The following ZBBX variants were observed in gnomAD, a reference collection of about 807,000 sequenced individuals.
ZBBX encodes the protein zinc finger B-box domain-containing protein 1.
A neutral mutation model predicts 108.5 loss-of-function variants in ZBBX; 101 were observed. The observed-to-expected ratio is 0.93, with a 90% CI of 0.79 to 1.10. ZBBX has a LOEUF of 1.10. Ranked by LOEUF, ZBBX falls within the 50% of genes least tolerant of loss-of-function variation. The pLI, the probability that ZBBX is intolerant of heterozygous loss-of-function variation, is 0.00. For missense variants in ZBBX, 1,009 were observed against 941.4 expected (o/e 1.07, Z -0.94); for synonymous variants, 356 against 323.4 (o/e 1.10, Z -1.08).
intron 10 of ZBBX, 50 bp downstream of exon 10, chr3:167,333,777 G>T: frequency 6.9e-7 from 1 of 1,448,082 alleles, no homozygotes; most frequent in Non-Finnish European, 9.2e-7. Flanking sequence ...AATGGCACCT[G>T]CCATAGTTAC....
intron 20 of ZBBX, among the ~76,000 whole-genome samples, chr3:167,279,823 CAT>C (rs1476311828): frequency 6.6e-6 from 1 of 152,172 alleles, no homozygotes; most frequent in Admixed American, 6.5e-5. Context: ...AAGCTGGAGG[CAT>C]CATACTACCT....
At chr3:167,214,006 G>T in the ZBBX span, among the ~76,000 whole-genome samples, 3 of 152,092 alleles carry the variant, frequency 2.0e-5, no homozygotes, top group Non-Finnish European at 4.4e-5. Context: ...ATTACCAGAA[G>T]ACCTGTTTCC....
the ZBBX span, among the ~76,000 whole-genome samples, chr3:167,225,465 C>G: frequency 4.0e-5 from 6 of 151,676 alleles, no homozygotes; most frequent in African/African-American, 1.5e-4. Context: ...CAGCTCATAC[C>G]CAGACCCTAA....
At chr3:167,233,864 A>C in the ZBBX span, among the ~76,000 whole-genome samples, 1 of 151,788 alleles carries the variant, frequency 6.6e-6, no homozygotes, top group Non-Finnish European at 1.5e-5. Context: ...TGACAACATA[A>C]ATTCCAGGAT....
rs552096775 is a variant in ZBBX, at chr3:167,290,141, A to G, written c.1880-1158T>C. 4.1e-4 allele frequency among the ~76,000 whole-genome samples: 63 copies of G among 152,300 alleles called. No homozygotes were observed. The Middle Eastern group carries it at 0.01, about 25-fold the overall frequency. On this transcript the variant is annotated intron_variant, in intron 18 of 21. Coordinates refer to ENST00000675490, the MANE Select transcript of ZBBX (RefSeq NM_001199201.2). Reference sequence around the variant, plus strand: ...TAGGGGAAGGGGCGGTTGTAGGTGCAGCTTCAGCAGACTTAAACATCCCTG... The same window carrying G: ...TAGGGGAAGGGGCGGTTGTAGGTGCGGCTTCAGCAGACTTAAACATCCCTG...
At chr3:167,238,911 G>T (rs1300945947), downstream of ZBBX, among the ~76,000 whole-genome samples, 5 of 152,016 alleles carry the variant, frequency 3.3e-5, no homozygotes, top group East Asian at 9.7e-4. Context: ...CTTCAAACTG[G>T]CTGTATTGGG....
At chr3:167,380,656 C>G (rs528841614), upstream of ZBBX, among the ~76,000 whole-genome samples, 11 of 152,224 alleles carry the variant, frequency 7.2e-5, no homozygotes, top group East Asian at 1.2e-3. Context: ...ACAAAGCTAG[C>G]AAATGGCAGA....
At chr3:167,309,879 T>C (rs922635694) in intron 16 of ZBBX, among the ~76,000 whole-genome samples, 1 of 152,238 alleles carries the variant, frequency 6.6e-6, no homozygotes, top group Non-Finnish European at 1.5e-5. Context: ...AATGGGTGTT[T>C]CTTTTCTACC....
chr3:167,382,195 T>C (rs1359249286), upstream of ZBBX, among the ~76,000 whole-genome samples: 1 of 152,168 alleles, frequency 6.6e-6, no homozygotes, highest in Non-Finnish European at 1.5e-5. Context: ...TTTAGAAAAA[T>C]AGCTTATGCA....
chr3:167,352,225 A>T (rs1377993539), intron 8 of ZBBX, among the ~76,000 whole-genome samples: 1 of 152,128 alleles, frequency 6.6e-6, no homozygotes, highest in Non-Finnish European at 1.5e-5. Flanking sequence ...AAAATTAATG[A>T]AATTGATCGA....
intron 5 of ZBBX, 119 bp downstream of exon 5, chr3:167,368,342 A>G: frequency 1.3e-6 from 1 of 756,500 alleles, no homozygotes; most frequent in Admixed American, 2.9e-5. Flanking sequence ...CTCGTTCATC[A>G]GGAAAAGTCA....
At chr3:167,336,564 C>G (rs563459851) in intron 9 of ZBBX, among the ~76,000 whole-genome samples, 117 of 152,182 alleles carry the variant, frequency 7.7e-4, no homozygotes, top group Middle Eastern at 3.4e-3. Flanking sequence ...AAGCTTAGGC[C>G]AAAGTCAAAT....
intron 1 of ZBBX, among the ~76,000 whole-genome samples, chr3:167,407,705 G>A (rs1748630190): frequency 6.6e-6 from 1 of 151,966 alleles, no homozygotes; most frequent in Non-Finnish European, 1.5e-5. Context: ...TAATTATAAG[G>A]GTCTTCATTT....
chr3:167,296,586 A>G (rs1731728791), intron 18 of ZBBX, among the ~76,000 whole-genome samples: 2 of 152,064 alleles, frequency 1.3e-5, no homozygotes, highest in Admixed American at 6.6e-5. Context: ...GCTAACAATG[A>G]ACAATCGGAA....
intron 20 of ZBBX, among the ~76,000 whole-genome samples, chr3:167,275,415 G>A (rs1378820967): frequency 6.6e-6 from 1 of 152,108 alleles, no homozygotes; most frequent in African/African-American, 2.4e-5. Flanking sequence ...CAGGTCAGTG[G>A]GTGCGCGCAC....
chr3:167,221,843 A>C, the ZBBX span, among the ~76,000 whole-genome samples: 1 of 151,942 alleles, frequency 6.6e-6, no homozygotes, highest in Non-Finnish European at 1.5e-5. Context: ...TCAGAGAAAT[A>C]CAAATCAAAA....
At chr3:167,345,001 C>T (rs563200005) in intron 9 of ZBBX, among the ~76,000 whole-genome samples, 4 of 151,880 alleles carry the variant, frequency 2.6e-5, no homozygotes, top group Non-Finnish European at 5.9e-5. Flanking sequence ...TAACCCTTCA[C>T]TGATATAACA....
At chr3:167,404,072 C>T (rs1437273803) in intron 1 of ZBBX, among the ~76,000 whole-genome samples, 1 of 152,032 alleles carries the variant, frequency 6.6e-6, no homozygotes, top group African/African-American at 2.4e-5. Flanking sequence ...ACAGAAATTG[C>T]ATTTTAAACG....
At chr3:167,291,317 G>A (rs968625077) in intron 18 of ZBBX, among the ~76,000 whole-genome samples, 3 of 151,934 alleles carry the variant, frequency 2.0e-5, no homozygotes, top group Admixed American at 2.0e-4. Context: ...GAAAGGTTGG[G>A]TTACCGACAA....
Sources: allele counts gnomAD v4.1 joint callset (sites outside exome capture counted in the v4.1 genomes callset), GRCh38; gene constraint gnomAD v4.1.1; transcripts MANE v1.5; gene names NCBI Gene and HGNC (gene_info 2026-07-23, HGNC 2026-07-21).